STOML3: variants seen among roughly 807,000 people sequenced by gnomAD.
The protein encoded by STOML3 is stomatin-like protein 3.
In STOML3, 31 loss-of-function variants were observed where a neutral mutation model predicts 29.5. The ratio of observed to expected loss-of-function variants is 1.05; its 90% CI spans 0.79 to 1.42. The LOEUF (loss-of-function observed/expected upper bound fraction) is 1.42. STOML3 is among the 40% of genes most tolerant of loss of function. The probability of loss-of-function intolerance (pLI) is 0.00; values close to 1 mark genes in which losing one functional copy is unlikely to be tolerated. For missense variants in STOML3, 380 were observed against 363.0 expected (o/e 1.05, Z -0.38); for synonymous variants, 122 against 139.8 (o/e 0.87, Z 0.90).
intron 1 of STOML3, among the ~76,000 whole-genome samples, chr13:38,987,150 A>G (rs1411340067): frequency 6.6e-6 from 1 of 152,082 alleles, no homozygotes; most frequent in Non-Finnish European, 1.5e-5. Context: ...AATATCACCT[A>G]CCCCTTCAGG....
At chr13:38,979,967 C>A in intron 1 of STOML3, 1 of 1,383,130 alleles carries the variant, frequency 7.2e-7, no homozygotes, top group Non-Finnish European at 1.0e-6. Context: ...ATGCCTGGAG[C>A]CAAGCCCTGG....
chr13:38,987,773 A>T (rs1388217837), intron 1 of STOML3, among the ~76,000 whole-genome samples: 2 of 118,470 alleles, frequency 1.7e-5, no homozygotes, highest in Non-Finnish European at 3.3e-5. Context: ...TATAATATAT[A>T]CTATTGTGTA....
chr13:38,980,165 T>C, intron 1 of STOML3: 1 of 1,541,386 alleles, frequency 6.5e-7, no homozygotes, highest in Non-Finnish European at 8.8e-7. Context: ...AGAATGTGAC[T>C]ATTCTTCCAA....
chr13:38,978,380 CT>C (rs939526562), intron 1 of STOML3, among the ~76,000 whole-genome samples: 3 of 151,996 alleles, frequency 2.0e-5, no homozygotes, highest in Non-Finnish European at 4.4e-5. Context: ...TGTCGAACTC[CT>C]GACCTCAAGT....
intron 1 of STOML3, chr13:38,980,086 G>A: frequency 6.4e-7 from 1 of 1,551,688 alleles, no homozygotes; most frequent in Non-Finnish European, 8.7e-7. Flanking sequence ...TCAAGCCCTT[G>A]CATCATTACA....
chr13:38,971,044 T>G (rs9315640), intron 4 of STOML3, among the ~76,000 whole-genome samples: 53,949 of 151,816 alleles, frequency 0.36, 9,878 homozygotes, highest in East Asian at 0.51. Flanking sequence ...CTTTCTTTTT[T>G]TTTTTTGAGA....
chr13:38,990,212 A>G (rs1868945556), intron 1 of STOML3, among the ~76,000 whole-genome samples: 1 of 152,180 alleles, frequency 6.6e-6, no homozygotes, highest in Admixed American at 6.5e-5. Flanking sequence ...TAATCTCAGC[A>G]TCATCAGAAA....
At chr13:38,975,650 C>A (rs1234346230) in intron 3 of STOML3, among the ~76,000 whole-genome samples, 1 of 152,056 alleles carries the variant, frequency 6.6e-6, no homozygotes, top group African/African-American at 2.4e-5. Context: ...TAGAATTAAT[C>A]CCATGAAATT....
chr13:38,990,377 A>G (rs548025214), intron 1 of STOML3, among the ~76,000 whole-genome samples: 3 of 152,200 alleles, frequency 2.0e-5, no homozygotes, highest in Non-Finnish European at 4.4e-5. Flanking sequence ...TGAAATCAGC[A>G]TAAGCAATGA....
intron 4 of STOML3, among the ~76,000 whole-genome samples, chr13:38,971,023 G>A (rs1593498259): frequency 6.6e-6 from 1 of 151,584 alleles, no homozygotes; most frequent in East Asian, 1.9e-4. Flanking sequence ...TCTCCTGACT[G>A]CAGCTGAATT....
At chr13:38,975,888 A>G (rs1377053554) in intron 3 of STOML3, among the ~76,000 whole-genome samples, 1 of 152,130 alleles carries the variant, frequency 6.6e-6, no homozygotes, top group Non-Finnish European at 1.5e-5. Flanking sequence ...CAAGGTGGTA[A>G]AGAAAGGATG....
chr13:38,990,653 A>G lies in STOML3; in HGVS notation c.52+17T>C, dbSNP rs1566212995. On this transcript the variant is annotated intron_variant, in intron 1 of 6. Transcript: ENST00000379631. ...TATATGTAAAAAACAAGCCTAAGAC[A>G]GGAAAAAGGAACTTACCCACGAAAT... 2 of 1,613,770 alleles carry G rather than the reference A, an allele frequency of 1.2e-6. No individual in the cohort carries two copies. The highest frequency in any genetic ancestry group is 1.7e-6 in the Non-Finnish European group (2 of 1,179,766).
At chr13:38,982,322 AAT>A (rs1167095604) in intron 1 of STOML3, among the ~76,000 whole-genome samples, 3 of 152,210 alleles carry the variant, frequency 2.0e-5, no homozygotes, top group African/African-American at 7.2e-5. Context: ...TTGTTTTTAA[AAT>A]ATGTTTATTT....
intron 1 of STOML3, among the ~76,000 whole-genome samples, chr13:38,980,982 C>A (rs1881250497): frequency 6.6e-6 from 1 of 152,058 alleles, no homozygotes; most frequent in Non-Finnish European, 1.5e-5. Context: ...ACAACAGCAG[C>A]AAAATATTTA....
At chr13:38,989,775 G>T (rs1868924219) in intron 1 of STOML3, among the ~76,000 whole-genome samples, 1 of 152,038 alleles carries the variant, frequency 6.6e-6, no homozygotes, top group Non-Finnish European at 1.5e-5. Flanking sequence ...GCGATTACAG[G>T]GCATGCACCA....
At chr13:38,987,473 C>A (rs896335614) in intron 1 of STOML3, among the ~76,000 whole-genome samples, 5 of 151,760 alleles carry the variant, frequency 3.3e-5, no homozygotes, top group African/African-American at 1.2e-4. Context: ...GCCTGGGCGA[C>A]AGAGCAAGAC....
intron 1 of STOML3, among the ~76,000 whole-genome samples, chr13:38,985,902 CT>C (rs1371193997): frequency 5.6e-5 from 2 of 35,444 alleles, no homozygotes; most frequent in Non-Finnish European, 1.1e-4. Context: ...TTTTTTTTTT[CT>C]TTTCTTTCTT....
At chr13:38,976,031 T>C (rs1169095714) in intron 3 of STOML3, among the ~76,000 whole-genome samples, 4 of 152,126 alleles carry the variant, frequency 2.6e-5, no homozygotes, top group Admixed American at 2.6e-4. Flanking sequence ...AACCAAGGGA[T>C]TTGGCCAAAG....
At chr13:38,983,004 A>T (rs999039647) in intron 1 of STOML3, among the ~76,000 whole-genome samples, 1 of 152,182 alleles carries the variant, frequency 6.6e-6, no homozygotes, top group Non-Finnish European at 1.5e-5. Context: ...ACAGAGCCAG[A>T]CACAGGCATG....
Sources: gnomAD v4.1 joint callset for allele counts (sites outside exome capture counted in the v4.1 genomes callset) on GRCh38, gnomAD v4.1.1 for gene constraint, MANE v1.5 for transcripts, NCBI Gene and HGNC (gene_info 2026-07-23, HGNC 2026-07-21) for gene names.